Variants in MOV10L1 observed in about 807,000 individuals in gnomAD.
MOV10L1 encodes the protein RNA helicase Mov10l1.
MOV10L1 carries 110 observed loss-of-function variants against 143.8 expected under a neutral mutation model. The ratio of observed to expected loss-of-function variants is 0.76; its 90% CI spans 0.66 to 0.90. The LOEUF (loss-of-function observed/expected upper bound fraction) is 0.90. Ranked by LOEUF, MOV10L1 falls within the 40% of genes least tolerant of loss-of-function variation. MOV10L1 has a pLI of 0.00. For synonymous variants in MOV10L1, 593 were observed against 581.1 expected (o/e 1.02, Z -0.29); for missense variants, 1,406 against 1,526.8 (o/e 0.92, Z 1.32).
chr22:50,094,405 T>G (rs2062534849), intron 2 of MOV10L1: 2 of 150,672 alleles, frequency 1.3e-5, no homozygotes, highest in African/African-American at 4.9e-5. Flanking sequence ...TTCAATTTTT[T>G]TTTTTTTTTT....
intron 6 of MOV10L1, among the ~76,000 whole-genome samples, chr22:50,114,080 G>A (rs796289529): frequency 4.0e-5 from 6 of 151,708 alleles, no homozygotes; most frequent in Admixed American, 6.6e-5. Context: ...CACCACGCCC[G>A]GCTAATTTTT....
chr22:50,118,349 T>G (rs193215158), intron 9 of MOV10L1, among the ~76,000 whole-genome samples: 146 of 152,258 alleles, frequency 9.6e-4, no homozygotes, highest in Non-Finnish European at 1.4e-3. Flanking sequence ...GAAGATTGAA[T>G]GAGGTCAGAC....
intron 26 of MOV10L1, 89 bp from the exon 27 acceptor site, chr22:50,161,278 CT>C: frequency 2.5e-6 from 3 of 1,183,506 alleles, no homozygotes; most frequent in Non-Finnish European, 3.6e-6. Context: ...ACTAAGTCCC[CT>C]TGTAAAACCC....
chr22:50,125,043 C>A (rs1450418559), intron 10 of MOV10L1, among the ~76,000 whole-genome samples: 1 of 152,194 alleles, frequency 6.6e-6, no homozygotes, highest in Admixed American at 6.5e-5. Context: ...GAAGTTTGTC[C>A]TTTTTTCACA....
At chr22:50,090,373 G>T in intron 1 of MOV10L1, 188 bp downstream of exon 1, 1 of 1,537,812 alleles carries the variant, frequency 6.5e-7, no homozygotes, top group Non-Finnish European at 8.8e-7. Context: ...GCATCCCGCC[G>T]CTCTGGGCGC....
At chr22:50,129,272 T>C (rs1227291523) in intron 13 of MOV10L1, among the ~76,000 whole-genome samples, 1 of 152,224 alleles carries the variant, frequency 6.6e-6, no homozygotes, top group Non-Finnish European at 1.5e-5. Flanking sequence ...TGTTTTCTTG[T>C]CGGATGAGGG....
chr22:50,128,084 G>A (rs1043048546), intron 12 of MOV10L1, among the ~76,000 whole-genome samples: 5 of 152,050 alleles, frequency 3.3e-5, no homozygotes, highest in East Asian at 1.9e-4. Context: ...CCTTCTTATC[G>A]AGGCTTCCTT....
rs1463768670 is a variant in MOV10L1 at position 50,145,684 on chromosome 22, C to G, written c.2506-5C>G. 6.2e-7 allele frequency: 1 copy of G among 1,614,000 alleles called. No individual in the cohort carries two copies. The highest frequency in any genetic ancestry group is 1.1e-5 in the South Asian group (1 of 91,074). On this transcript the variant is annotated splice_polypyrimidine_tract_variant and splice_region_variant and intron_variant, in intron 18 of 26. Transcript: ENST00000262794. The stretch of plus-strand genomic sequence containing the variant: ...TAAACTAACTCTACGCCTCCTTGCC[C>G]CCAGATAGTTATTGACGCCGTCAAA...
chr22:50,093,685 T>A (rs563340406), intron 2 of MOV10L1: 20 of 152,244 alleles, frequency 1.3e-4, no homozygotes, highest in African/African-American at 4.8e-4. Flanking sequence ...ATTTTTAAAA[T>A]TTTTTTGTAG....
intron 9 of MOV10L1, among the ~76,000 whole-genome samples, chr22:50,118,072 C>A (rs1316952905): frequency 1.3e-5 from 2 of 152,128 alleles, no homozygotes; most frequent in African/African-American, 4.8e-5. Flanking sequence ...GGTCACTTTT[C>A]TAATACTGAA....
chr22:50,107,764 C>G (rs1396092134), intron 3 of MOV10L1, among the ~76,000 whole-genome samples: 1 of 152,180 alleles, frequency 6.6e-6, no homozygotes, highest in Non-Finnish European at 1.5e-5. Flanking sequence ...GTTCAGGTGT[C>G]TCTCTGTTCC....
chr22:50,111,539 C>T (rs898003026), intron 5 of MOV10L1, among the ~76,000 whole-genome samples: 3 of 139,102 alleles, frequency 2.2e-5, no homozygotes, highest in African/African-American at 5.4e-5. Flanking sequence ...AGTCTCGCTC[C>T]GTCACCCAGG....
chr22:50,135,545 G>A (rs1449149538), intron 15 of MOV10L1, among the ~76,000 whole-genome samples: 2 of 151,752 alleles, frequency 1.3e-5, no homozygotes, highest in African/African-American at 4.8e-5. Flanking sequence ...GAGATCAGGA[G>A]TTCAAGACCA....
intron 25 of MOV10L1, 48 bp downstream of exon 25, chr22:50,160,873 G>A (rs375380305): frequency 2.3e-5 from 37 of 1,613,140 alleles, no homozygotes; most frequent in Non-Finnish European, 2.6e-5. Flanking sequence ...AGGAGGGAGG[G>A]TCCGGGTCAC....
At chr22:50,103,887 T>G (rs978556573) in intron 3 of MOV10L1, among the ~76,000 whole-genome samples, 3 of 152,188 alleles carry the variant, frequency 2.0e-5, no homozygotes, top group Admixed American at 2.0e-4. Context: ...AGGATAGTTT[T>G]GGGATGATTT....
rs1246503385 is a variant in MOV10L1, at chr22:50,158,246, T to C, written c.3216+40T>C. ...GGCACGCCTGGTTCTGTGAGGTCCC[T>C]GCAGCCCTGCTCCTTGGCTCCTGCA... On this transcript the variant is annotated intron_variant, in intron 23 of 26. Coordinates refer to ENST00000262794, the MANE Select transcript of MOV10L1 (RefSeq NM_018995.3). The surrounding 1 kb of genome is among the most constrained non-coding windows in gnomAD (Gnocchi z 5.0). 1 of 1,611,862 alleles carries C rather than the reference T, an allele frequency of 6.2e-7. No homozygotes were observed. The highest frequency in any genetic ancestry group is 1.7e-5 in the Admixed American group (1 of 59,896).
intron 15 of MOV10L1, among the ~76,000 whole-genome samples, chr22:50,138,383 GTC>G (rs2062891599): frequency 6.6e-6 from 1 of 152,026 alleles, no homozygotes; most frequent in African/African-American, 2.4e-5. Flanking sequence ...GCAAGACCCT[GTC>G]TCTATTTTTA....
intron 19 of MOV10L1, among the ~76,000 whole-genome samples, chr22:50,146,112 G>A (rs1020329515): frequency 6.6e-6 from 1 of 152,116 alleles, no homozygotes; most frequent in East Asian, 1.9e-4. Flanking sequence ...CCAGAGCCTC[G>A]TGAGCAGGAA....
Position 50,125,487 on chromosome 22 carries a change from C to A in MOV10L1, c.1665C>A (p.Ser555Arg), listed in dbSNP as rs369518619. Residue 555 changes from serine to arginine, a missense_variant, in exon 11 of 27, where the codon AGC becomes AGA. This residue lies in a region of MOV10L1 where 1,233 missense variants were observed against 1,351.4 expected (regional missense o/e 0.91). Transcript: ENST00000262794. ...AEMELKEYNM[S>R]GIILRRNGDL... ...TGGAACTGAAAGAGTATAACATGAGCGGGATCATCTTAAGAAGGAATGGGG... is the reference window on the plus strand; with the variant it reads ...TGGAACTGAAAGAGTATAACATGAGAGGGATCATCTTAAGAAGGAATGGGG... The A allele has an allele frequency of 1.9e-6, 3 of 1,613,990 alleles. No individual in the cohort carries two copies. The African/African-American group carries it at 4.0e-5, about 22-fold the overall frequency.
Sources: allele counts gnomAD v4.1 joint callset (sites outside exome capture counted in the v4.1 genomes callset), GRCh38; gene constraint gnomAD v4.1.1; regional missense constraint gnomAD v4.1.1; non-coding constraint Gnocchi (gnomAD v3.1); transcripts MANE v1.5; gene names NCBI Gene and HGNC (gene_info 2026-07-23, HGNC 2026-07-21).